RIC1: variants seen among roughly 807,000 people sequenced by gnomAD.
RIC1 encodes RIC1 partner of RAB6A GEF complex, also known as guanine nucleotide exchange factor subunit RIC1.
A neutral mutation model predicts 169.0 loss-of-function variants in RIC1; 88 were observed. The ratio of observed to expected loss-of-function variants is 0.52; its 90% CI spans 0.44 to 0.62. RIC1 has a LOEUF of 0.62. Among genes scored for constraint, RIC1 ranks in the 20% least tolerant of loss-of-function variants. The pLI is 0.00. For synonymous variants in RIC1, 790 were observed against 601.5 expected (o/e 1.31, Z -4.59); for missense variants, 1,877 against 1,725.5 (o/e 1.09, Z -1.56).
chr9:5,665,524 T>G (rs912230154), intron 2 of RIC1, among the ~76,000 whole-genome samples: 3 of 152,132 alleles, frequency 2.0e-5, no homozygotes, highest in Non-Finnish European at 4.4e-5. Flanking sequence ...GGCACTCTGG[T>G]TTTTTGAGTT....
rs1378777828 is a variant in RIC1 at position 5,775,035 on chromosome 9, A to G, written c.*789A>G. 1 of 152,244 alleles carries G rather than the reference A, an allele frequency of 6.6e-6. No individual in the cohort carries two copies. Among genetic ancestry groups the G allele is most frequent in the African/African-American group, 2.4e-5 (1 of 41,456 alleles). 9.4% of individuals were successfully genotyped at this position (152,244 alleles called of 1,614,324 possible). ...TTTAGGGCTTGTATTATAATTTGCAAGGTTTTAATGCTGGATTCTGCATGT... is the reference window on the plus strand; with the variant it reads ...TTTAGGGCTTGTATTATAATTTGCAGGGTTTTAATGCTGGATTCTGCATGT... On this transcript the variant is annotated 3_prime_UTR_variant, in exon 26 of 26. Transcript: ENST00000414202.
chr9:5,742,601 A>G (rs1175253171), intron 8 of RIC1, among the ~76,000 whole-genome samples: 2 of 152,144 alleles, frequency 1.3e-5, no homozygotes, highest in African/African-American at 2.4e-5. Flanking sequence ...TTACGCAGTT[A>G]TAAGTTAATC....
At chr9:5,738,560 T>TTA in intron 8 of RIC1, 22 bp downstream of exon 8, 2 of 1,473,992 alleles carry the variant, frequency 1.4e-6, no homozygotes, top group Non-Finnish European at 1.8e-6. Flanking sequence ...TTTTTTTTTT[T>TTA]TTTTTTAACA....
chr9:5,658,145 C>T (rs1203752595), intron 2 of RIC1, among the ~76,000 whole-genome samples: 2 of 152,070 alleles, frequency 1.3e-5, no homozygotes, highest in African/African-American at 2.4e-5. Context: ...AGTACATACT[C>T]ATGTCAAAAG....
At chr9:5,696,083 T>A (rs903453828) in intron 3 of RIC1, among the ~76,000 whole-genome samples, 1 of 152,214 alleles carries the variant, frequency 6.6e-6, no homozygotes, top group African/African-American at 2.4e-5. Flanking sequence ...ACTGATTGAT[T>A]AGAGTTTTCC....
At chr9:5,714,892 A>G (rs918071894) in intron 4 of RIC1, among the ~76,000 whole-genome samples, 3 of 152,188 alleles carry the variant, frequency 2.0e-5, no homozygotes, top group Non-Finnish European at 4.4e-5. Flanking sequence ...GTATTGAATT[A>G]TATGAATGTC....
chr9:5,643,251 A>C (rs547568219), intron 1 of RIC1, among the ~76,000 whole-genome samples: 1 of 152,316 alleles, frequency 6.6e-6, no homozygotes, highest in South Asian at 2.1e-4. Flanking sequence ...TGATTCATAA[A>C]CACATGAAGA....
intron 2 of RIC1, among the ~76,000 whole-genome samples, chr9:5,664,424 A>G (rs2130513471): frequency 6.6e-6 from 1 of 152,138 alleles, no homozygotes; most frequent in East Asian, 1.9e-4. Flanking sequence ...AAAAAAAAGA[A>G]TGTTTAATAT....
chr9:5,743,378 C>G (rs374828339), intron 9 of RIC1, among the ~76,000 whole-genome samples: 12 of 152,022 alleles, frequency 7.9e-5, no homozygotes, highest in African/African-American at 2.9e-4. Flanking sequence ...TGTAGGTTAG[C>G]CCAGTGATTG....
intron 2 of RIC1, among the ~76,000 whole-genome samples, chr9:5,669,922 A>C (rs1443927517): frequency 6.6e-6 from 1 of 152,218 alleles, no homozygotes; most frequent in Non-Finnish European, 1.5e-5. Flanking sequence ...CCACCTAATC[A>C]GATATCAAGT....
At chr9:5,764,768 C>T (rs1826586402) in intron 19 of RIC1, among the ~76,000 whole-genome samples, 1 of 152,210 alleles carries the variant, frequency 6.6e-6, no homozygotes, top group Admixed American at 6.5e-5. Context: ...TTCCGGGTCA[C>T]TCCCTGCAAC....
intron 1 of RIC1, among the ~76,000 whole-genome samples, chr9:5,630,843 G>A (rs747629276): frequency 2.6e-5 from 4 of 152,090 alleles, no homozygotes; most frequent in African/African-American, 7.2e-5. Flanking sequence ...CAATGTATAT[G>A]CCAGTTGAAT....
intron 3 of RIC1, among the ~76,000 whole-genome samples, chr9:5,691,256 A>C (rs1431725144): frequency 2.0e-5 from 3 of 151,972 alleles, no homozygotes; most frequent in Admixed American, 2.0e-4. Context: ...ATAAAACAAA[A>C]CAACGCAAGT....
intron 2 of RIC1, among the ~76,000 whole-genome samples, chr9:5,661,561 G>C (rs568026224): frequency 3.3e-5 from 5 of 152,176 alleles, no homozygotes; most frequent in Admixed American, 3.3e-4. Flanking sequence ...TCCCTTGTTA[G>C]CTGTATTGCT....
At chr9:5,706,951 C>T (rs1467687171) in intron 3 of RIC1, among the ~76,000 whole-genome samples, 1 of 152,118 alleles carries the variant, frequency 6.6e-6, no homozygotes, top group Non-Finnish European at 1.5e-5. Context: ...CACATCCATC[C>T]TTCTGCCAGC....
At chr9:5,746,262 T>A (rs1350207132) in intron 11 of RIC1, among the ~76,000 whole-genome samples, 179 bp downstream of exon 11, 1 of 152,114 alleles carries the variant, frequency 6.6e-6, no homozygotes, top group Admixed American at 6.5e-5. Flanking sequence ...TCTCAACGGG[T>A]TGTGTTTCTT....
At chr9:5,681,670 A>G (rs1015362277) in intron 2 of RIC1, among the ~76,000 whole-genome samples, 15 of 152,284 alleles carry the variant, frequency 9.9e-5, no homozygotes, top group African/African-American at 3.4e-4. Flanking sequence ...TGCTTGGTGC[A>G]GTGCTGAGTT....
chr9:5,656,879 A>T (rs186396852), intron 2 of RIC1, among the ~76,000 whole-genome samples, 189 bp downstream of exon 2: 2 of 152,112 alleles, frequency 1.3e-5, no homozygotes, highest in Non-Finnish European at 2.9e-5. Context: ...TGACTCTGCT[A>T]CTTCCTTAAC....
intron 3 of RIC1, among the ~76,000 whole-genome samples, chr9:5,706,590 T>C (rs2130797989): frequency 6.6e-6 from 1 of 152,302 alleles, no homozygotes; most frequent in East Asian, 1.9e-4. Flanking sequence ...GGTTCTTCTT[T>C]ATTGGGAGGT....
Sources: gnomAD v4.1 joint callset for allele counts (sites outside exome capture counted in the v4.1 genomes callset) on GRCh38, gnomAD v4.1.1 for gene constraint, MANE v1.5 for transcripts, NCBI Gene and HGNC (gene_info 2026-07-23, HGNC 2026-07-21) for gene names.